Variants in SIPA1L1 observed in about 807,000 individuals in gnomAD.
SIPA1L1 encodes the protein signal-induced proliferation-associated 1-like protein 1.
SIPA1L1 carries 26 observed loss-of-function variants against 162.7 expected under a neutral mutation model. That is an observed-to-expected ratio of 0.16 (90% CI 0.12 to 0.22). The LOEUF (loss-of-function observed/expected upper bound fraction) is 0.22. SIPA1L1 is among the 10% of genes least tolerant of loss of function. The pLI, the probability that SIPA1L1 is intolerant of heterozygous loss-of-function variation, is 1.00. For synonymous variants in SIPA1L1, 829 were observed against 837.4 expected (o/e 0.99, Z 0.17); for missense variants, 1,874 against 2,241.0 (o/e 0.84, Z 3.31).
chr14:71,354,246 G>A (rs17767446), intron 2 of SIPA1L1, among the ~76,000 whole-genome samples: 24,717 of 150,612 alleles, frequency 0.16, 2,625 homozygotes, highest in Middle Eastern at 0.35. Context: ...AGTAGGCCGT[G>A]TGTCATTTCT....
chr14:71,655,801 C>T (rs578161955), intron 8 of SIPA1L1, among the ~76,000 whole-genome samples: 2 of 152,136 alleles, frequency 1.3e-5, no homozygotes, highest in Non-Finnish European at 2.9e-5. Flanking sequence ...TATTTACCCA[C>T]TTTTTAATGG....
In SIPA1L1 at chr14:71,739,804, T is replaced by A. The variant is rs962782858; in HGVS notation, c.*643T>A. Reference sequence around the variant, plus strand: ...AAACCAGAGCAGCTCTGACAGTGCCTGCAGGCCACACCCCTTCTCAGTCCT... The same window carrying A: ...AAACCAGAGCAGCTCTGACAGTGCCAGCAGGCCACACCCCTTCTCAGTCCT... On this transcript the variant is annotated 3_prime_UTR_variant, in exon 24 of 24. Transcript: ENST00000381232. The A allele has an allele frequency of 3.9e-5, 6 of 152,258 alleles. No individual in the cohort carries two copies. The highest frequency in any genetic ancestry group is 1.4e-4 in the African/African-American group (6 of 41,446). 9.4% of individuals were successfully genotyped at this position (152,258 alleles called of 1,614,324 possible). A position where few individuals can be genotyped will look rare whatever the true frequency, so the allele number is the denominator to read the frequency against.
chr14:71,563,098 T>G (rs1253639612), intron 4 of SIPA1L1, among the ~76,000 whole-genome samples: 1 of 152,228 alleles, frequency 6.6e-6, no homozygotes, highest in Non-Finnish European at 1.5e-5. Context: ...GTACTAAGAA[T>G]AATACCTGGC....
chr14:71,724,006 C>A, intron 18 of SIPA1L1, 120 bp downstream of exon 18: 1 of 1,116,214 alleles, frequency 9.0e-7, no homozygotes, highest in Non-Finnish European at 1.3e-6. Context: ...AGGAGTTGGT[C>A]TGTTGGTGGG....
chr14:71,585,721 G>A (rs2034508952), intron 4 of SIPA1L1, among the ~76,000 whole-genome samples: 1 of 152,182 alleles, frequency 6.6e-6, no homozygotes, highest in African/African-American at 2.4e-5. Flanking sequence ...ATTTCTGTGA[G>A]GTTGTGAGAA....
At chr14:71,598,879 T>G (rs1440837953) in intron 5 of SIPA1L1, among the ~76,000 whole-genome samples, 1 of 151,968 alleles carries the variant, frequency 6.6e-6, no homozygotes, top group Non-Finnish European at 1.5e-5. Context: ...GTCACTCTAA[T>G]GTGCTATTGA....
At chr14:71,598,129 A>G in intron 5 of SIPA1L1, 1 of 787,122 alleles carries the variant, frequency 1.3e-6, no homozygotes, top group Non-Finnish European at 1.5e-6. Context: ...CTCTCTTTTC[A>G]GGAAATGACA....
chr14:71,430,374 GA>G (rs1161687442), intron 2 of SIPA1L1, among the ~76,000 whole-genome samples: 2 of 152,000 alleles, frequency 1.3e-5, no homozygotes, highest in African/African-American at 2.4e-5. Context: ...TTTGGTTTTT[GA>G]AGTTATCAGT....
chr14:71,511,427 G>A (rs965621966), intron 2 of SIPA1L1, among the ~76,000 whole-genome samples: 3 of 152,110 alleles, frequency 2.0e-5, no homozygotes, highest in Admixed American at 6.5e-5. Flanking sequence ...TGAGACTACA[G>A]GCGTGGGCCA....
intron 2 of SIPA1L1, among the ~76,000 whole-genome samples, chr14:71,322,030 G>T (rs907896760): frequency 3.3e-5 from 5 of 152,212 alleles, no homozygotes; most frequent in African/African-American, 1.2e-4. Context: ...TAGTTTAGAG[G>T]CAGCATTCGC....
intron 2 of SIPA1L1, among the ~76,000 whole-genome samples, chr14:71,371,312 T>A (rs917028122): frequency 2.6e-5 from 4 of 152,204 alleles, no homozygotes; most frequent in African/African-American, 9.7e-5. Flanking sequence ...ATGGATTGTT[T>A]ATTCATGAAA....
At chr14:71,513,692 T>C (rs1195475048) in intron 3 of SIPA1L1, among the ~76,000 whole-genome samples, 1 of 152,246 alleles carries the variant, frequency 6.6e-6, no homozygotes, top group Non-Finnish European at 1.5e-5. Flanking sequence ...GGGGTCTTGC[T>C]ATGTTGCCTA....
chr14:71,564,011 G>A (rs1251159899), intron 4 of SIPA1L1, among the ~76,000 whole-genome samples: 2 of 152,126 alleles, frequency 1.3e-5, no homozygotes, highest in African/African-American at 2.4e-5. Context: ...GCAGTGGCAC[G>A]AACACAGCTC....
intron 2 of SIPA1L1, among the ~76,000 whole-genome samples, chr14:71,475,675 C>T (rs1487966642): frequency 2.0e-5 from 3 of 152,214 alleles, no homozygotes. Context: ...TTCAAAATGT[C>T]TTCCAATGTA....
At position 71,698,995 on chromosome 14, in the gene SIPA1L1, C is replaced by T. The variant is rs556925176; in HGVS notation, c.3389C>T (p.Ser1130Leu). Residue 1130 changes from serine to leucine, a missense_variant, in exon 14 of 24, where the codon TCG becomes TTG. Physicochemically the swap from Ser to Leu is moderately radical, Grantham distance 145. Around this residue, in one of 5 missense-constraint regions of SIPA1L1, gnomAD observed 936 missense variants for 1,051.9 expected, o/e 0.89. Coordinates refer to ENST00000381232, the MANE Select transcript of SIPA1L1 (RefSeq NM_001386936.1). ...RPLERRLSPG[S>L]DIYVTVSSMA... is the part of the protein sequence containing the mutation. ...TGCACATGCAGGCTGTCTCCTGGTT[C>T]GGACATCTATGTGACGGTCTCATCC... 54 of 1,614,156 alleles carry T rather than the reference C, an allele frequency of 3.3e-5. No individual in the cohort carries two copies. The highest frequency in any genetic ancestry group is 1.6e-4 in the Middle Eastern group (1 of 6,062).
intron 2 of SIPA1L1, among the ~76,000 whole-genome samples, chr14:71,356,748 C>G (rs2140768053): frequency 6.6e-6 from 1 of 151,702 alleles, no homozygotes; most frequent in South Asian, 2.1e-4. Flanking sequence ...TACTATTTCA[C>G]TGAGGGATAT....
intron 13 of SIPA1L1, among the ~76,000 whole-genome samples, chr14:71,689,280 A>G (rs1301170953): frequency 1.3e-5 from 2 of 152,220 alleles, no homozygotes; most frequent in African/African-American, 2.4e-5. Flanking sequence ...TGGCATCTAA[A>G]TAGAATAAAG....
chr14:71,517,511 C>T (rs148506956), intron 3 of SIPA1L1, among the ~76,000 whole-genome samples: 211 of 152,094 alleles, frequency 1.4e-3, no homozygotes, highest in Non-Finnish European at 2.5e-3. Flanking sequence ...TATGTGTCTC[C>T]GGGCGACACG....
intron 12 of SIPA1L1, among the ~76,000 whole-genome samples, chr14:71,681,043 C>T (rs554288891): frequency 2.0e-5 from 3 of 152,314 alleles, no homozygotes; most frequent in Non-Finnish European, 4.4e-5. Flanking sequence ...CCAGCACTTC[C>T]GTATCAGCAG....
Sources: gnomAD v4.1 joint callset for allele counts (sites outside exome capture counted in the v4.1 genomes callset) on GRCh38, gnomAD v4.1.1 for gene constraint, gnomAD v4.1.1 regional missense constraint, MANE v1.5 for transcripts, NCBI Gene and HGNC (gene_info 2026-07-23, HGNC 2026-07-21) for gene names.